The following AFF2 variants were observed in gnomAD, a reference collection of about 807,000 sequenced individuals.
AFF2 encodes ALF transcription elongation factor 2.
AFF2 carries 14 observed loss-of-function variants against 76.9 expected under a neutral mutation model. The observed-to-expected ratio is 0.18, with a 90% CI of 0.12 to 0.28. The LOEUF (loss-of-function observed/expected upper bound fraction) is 0.28, where lower values mean the gene tolerates loss of function less well. AFF2 is among the 10% of genes least tolerant of loss of function. The pLI, the probability that AFF2 is intolerant of heterozygous loss-of-function variation, is 1.00. For synonymous variants in AFF2, 398 were observed against 366.7 expected (o/e 1.09, Z -0.98); for missense variants, 868 against 1,001.1 (o/e 0.87, Z 1.79).
At chrX:148,563,988 A>G (rs964276766) in intron 1 of AFF2, among the ~76,000 whole-genome samples, 2 of 112,200 alleles carry the variant, frequency 1.8e-5, no homozygotes, top group Non-Finnish European at 3.8e-5. Context: ...TCTAATGCTT[A>G]TCATGACAAT....
chrX:148,654,494 T>A (rs1183508557), intron 2 of AFF2, among the ~76,000 whole-genome samples: 2 of 110,658 alleles, frequency 1.8e-5, no homozygotes, highest in Non-Finnish European at 3.8e-5. Flanking sequence ...AAGGGAGGAA[T>A]TATATAAAGG....
chrX:148,621,640 A>G (rs1307575214), intron 1 of AFF2, among the ~76,000 whole-genome samples: 1 of 112,143 alleles, frequency 8.9e-6, no homozygotes, highest in Non-Finnish European at 1.9e-5. Context: ...CAACTCAACT[A>G]ACAAGAACAT....
intron 1 of AFF2, among the ~76,000 whole-genome samples, chrX:148,532,788 T>C: frequency 8.9e-6 from 1 of 112,277 alleles, no homozygotes; most frequent in East Asian, 2.8e-4. Context: ...TGGTGCACAA[T>C]GATTCTATCC....
At position 148,997,301 on chromosome X, in the gene AFF2, TCAC is replaced by T. The variant is rs2072614966; in HGVS notation, c.*5970_*5972del. 1 of 100,528 alleles carries T rather than the reference TCAC, an allele frequency of 9.9e-6. No individual in the cohort carries two copies. The highest frequency in any genetic ancestry group is 4.5e-5 in the African/African-American group (1 of 22,419). The allele number at this position is 100,528 out of a possible 1,213,427, so 8.3% of individuals were successfully genotyped here. A position where few individuals can be genotyped will look rare whatever the true frequency, so the allele number is the denominator to read the frequency against. The stretch of plus-strand genomic sequence containing the variant: ...TCATTAAATACACACACACACACAC[TCAC>T]ACACACACACATACACTTTTTAAAT... On this transcript the variant is annotated 3_prime_UTR_variant, in exon 21 of 21. Transcript: ENST00000370460.
intron 3 of AFF2, among the ~76,000 whole-genome samples, chrX:148,711,821 G>A (rs1336781150): frequency 1.2e-4 from 14 of 112,386 alleles, no homozygotes; most frequent in African/African-American, 4.2e-4. Flanking sequence ...GTATGTGCTA[G>A]GCCCATCCTG....
intron 1 of AFF2, among the ~76,000 whole-genome samples, chrX:148,627,217 G>A (rs994856486): frequency 8.9e-6 from 1 of 111,995 alleles, no homozygotes; most frequent in Non-Finnish European, 1.9e-5. Context: ...TTCCATTTCT[G>A]AAAACAAAAA....
chrX:148,755,597 G>C (rs2055552362), intron 3 of AFF2, among the ~76,000 whole-genome samples: 1 of 112,279 alleles, frequency 8.9e-6, no homozygotes, highest in Non-Finnish European at 1.9e-5. Context: ...TAGAGTGACA[G>C]TATCTTATTC....
At chrX:148,885,269 C>G (rs902413394) in intron 7 of AFF2, among the ~76,000 whole-genome samples, 4 of 111,748 alleles carry the variant, frequency 3.6e-5, no homozygotes, top group Non-Finnish European at 1.9e-5. Flanking sequence ...AGAAAGATTT[C>G]TTATCCACAT....
intron 1 of AFF2, among the ~76,000 whole-genome samples, chrX:148,602,283 GC>G (rs1461192814): frequency 5.4e-5 from 6 of 111,706 alleles, no homozygotes. Context: ...AAAGAAGAAG[GC>G]GGGGACAGAT....
At chrX:148,668,836 G>A (rs911337278) in intron 3 of AFF2, among the ~76,000 whole-genome samples, 6 of 112,344 alleles carry the variant, frequency 5.3e-5, no homozygotes, top group African/African-American at 1.9e-4. Context: ...TGTCTTGAGG[G>A]TTAACATTCG....
intron 3 of AFF2, among the ~76,000 whole-genome samples, chrX:148,776,631 T>A (rs1295604871): frequency 1.8e-5 from 2 of 112,495 alleles, no homozygotes; most frequent in African/African-American, 6.5e-5. Context: ...CTTTTTTTCA[T>A]GTTTGTTGGC....
Position 148,517,859 on chromosome X carries a change from T to C in AFF2, c.47+16715T>C, listed in dbSNP as rs781968467. 1.9e-4 allele frequency among the ~76,000 whole-genome samples: 14 copies of C among 74,173 alleles called. No homozygotes were observed. In the South Asian group the frequency reaches 0.012, roughly 65 times the overall value. 64.4% of individuals were successfully genotyped at this position (74,173 alleles called of 115,157 possible). On this transcript the variant is annotated intron_variant, in intron 1 of 20. Coordinates refer to ENST00000370460, the MANE Select transcript of AFF2 (RefSeq NM_002025.4). The stretch of plus-strand genomic sequence containing the variant: ...GGTGAAACCCCGTTTCTACTAAAAA[T>C]ACAAAAAAAAAAAATGAGCCAGGCA...
chrX:148,913,240 A>G (rs1416048748), intron 9 of AFF2, among the ~76,000 whole-genome samples: 1 of 112,287 alleles, frequency 8.9e-6, no homozygotes, highest in African/African-American at 3.2e-5. Context: ...GGAACTCTAC[A>G]GTTTTTACCA....
At chrX:148,630,504 A>G (rs908300026) in intron 1 of AFF2, among the ~76,000 whole-genome samples, 6 of 111,670 alleles carry the variant, frequency 5.4e-5, no homozygotes, top group South Asian at 3.7e-4. Context: ...GCAGGTTCCA[A>G]TGATGTTTCC....
intron 9 of AFF2, among the ~76,000 whole-genome samples, chrX:148,909,841 C>T (rs2071449658): frequency 8.9e-6 from 1 of 112,618 alleles, no homozygotes; most frequent in Admixed American, 9.4e-5. Context: ...CAGCAGTCAT[C>T]TCCAAGATTT....
At chrX:148,862,783 T>G (rs1367911815) in intron 7 of AFF2, among the ~76,000 whole-genome samples, 1 of 112,307 alleles carries the variant, frequency 8.9e-6, no homozygotes, top group African/African-American at 3.2e-5. Context: ...CTTTATTGAC[T>G]TAAACATTAG....
chrX:148,746,752 A>T (rs1557266104), intron 3 of AFF2, among the ~76,000 whole-genome samples: 2 of 112,874 alleles, frequency 1.8e-5, no homozygotes, highest in Non-Finnish European at 3.7e-5. Flanking sequence ...TAATAGAGGG[A>T]TGATGCAAGG....
intron 9 of AFF2, among the ~76,000 whole-genome samples, chrX:148,927,355 CT>C (rs2071662967): frequency 9.0e-6 from 1 of 111,675 alleles, no homozygotes; most frequent in South Asian, 3.8e-4. Context: ...AACACTTTTA[CT>C]GTAAATCATT....
intron 3 of AFF2, among the ~76,000 whole-genome samples, chrX:148,721,904 A>T (rs1557263858): frequency 9.0e-6 from 1 of 111,674 alleles, no homozygotes; most frequent in Non-Finnish European, 1.9e-5. Flanking sequence ...GTGTGTGTCG[A>T]TGCCCAAATT....
Sources: gnomAD v4.1 joint callset for allele counts (sites outside exome capture counted in the v4.1 genomes callset) on GRCh38, gnomAD v4.1.1 for gene constraint, MANE v1.5 for transcripts, NCBI Gene and HGNC (gene_info 2026-07-23, HGNC 2026-07-21) for gene names.